EBF2: variants seen among roughly 807,000 people sequenced by gnomAD.
EBF2 encodes the protein transcription factor COE2.
EBF2 carries 21 observed loss-of-function variants against 72.8 expected under a neutral mutation model. The ratio of observed to expected loss-of-function variants is 0.29; its 90% CI spans 0.20 to 0.42. The LOEUF (loss-of-function observed/expected upper bound fraction) is 0.42, where lower values mean the gene tolerates loss of function less well. Ranked by LOEUF, EBF2 falls within the 10% of genes least tolerant of loss-of-function variation. EBF2 has a pLI of 1.00. For missense variants in EBF2, 637 were observed against 731.2 expected, an observed-to-expected ratio of 0.87 and a Z score of 1.49; for synonymous variants, 299 against 274.2, an observed-to-expected ratio of 1.09 and a Z score of -0.89.
At chr8:25,954,399 G>A (rs1321084845) in intron 6 of EBF2, among the ~76,000 whole-genome samples, 1 of 152,226 alleles carries the variant, frequency 6.6e-6, no homozygotes, top group Non-Finnish European at 1.5e-5. Context: ...TTCGCGCGCA[G>A]GGAGATGAGC....
At chr8:25,973,827 C>A (rs1272875438) in intron 6 of EBF2, among the ~76,000 whole-genome samples, 1 of 152,054 alleles carries the variant, frequency 6.6e-6, no homozygotes, top group Non-Finnish European at 1.5e-5. Flanking sequence ...AGGTATGCAC[C>A]ACCACAAAGG....
chr8:26,015,543 G>A (rs1297769584), intron 6 of EBF2, among the ~76,000 whole-genome samples: 10 of 152,222 alleles, frequency 6.6e-5, no homozygotes. Flanking sequence ...GGGATGGTAT[G>A]AGAGTAAGAA....
intron 10 of EBF2, among the ~76,000 whole-genome samples, chr8:25,885,428 C>T (rs1474572658): frequency 6.6e-6 from 1 of 152,172 alleles, no homozygotes; most frequent in Non-Finnish European, 1.5e-5. Context: ...CCTTGGTACC[C>T]ACCATTAGAC....
intron 6 of EBF2, among the ~76,000 whole-genome samples, chr8:25,966,142 C>T (rs1585210479): frequency 6.6e-6 from 1 of 152,228 alleles, no homozygotes; most frequent in Non-Finnish European, 1.5e-5. Flanking sequence ...GGCAAGAGGG[C>T]TTTTGCTCAA....
intron 6 of EBF2, among the ~76,000 whole-genome samples, chr8:26,011,138 T>G (rs1407844291): frequency 6.6e-6 from 1 of 152,194 alleles, no homozygotes; most frequent in African/African-American, 2.4e-5. Flanking sequence ...AAACCACATT[T>G]ATCAAAGCAA....
chr8:25,942,669 C>G (rs1425554054), intron 6 of EBF2, among the ~76,000 whole-genome samples: 7 of 152,196 alleles, frequency 4.6e-5, no homozygotes, highest in Non-Finnish European at 7.3e-5. Context: ...TCGACTTCAG[C>G]CTAAATTGGA....
chr8:25,885,653 T>C (rs1245496232), intron 10 of EBF2, among the ~76,000 whole-genome samples: 1 of 152,160 alleles, frequency 6.6e-6, no homozygotes, highest in Non-Finnish European at 1.5e-5. Flanking sequence ...GTTCTCATGG[T>C]AGTGAGTAAG....
At chr8:25,871,738 A>C (rs1009627293) in intron 10 of EBF2, among the ~76,000 whole-genome samples, 1 of 152,218 alleles carries the variant, frequency 6.6e-6, no homozygotes, top group Non-Finnish European at 1.5e-5. Flanking sequence ...CATTTGGATC[A>C]GCCTTGAAAA....
At chr8:26,030,679 T>C (rs574536211) in intron 6 of EBF2, among the ~76,000 whole-genome samples, 155 of 152,324 alleles carry the variant, frequency 1.0e-3, no homozygotes, top group Non-Finnish European at 1.9e-3. Flanking sequence ...CTTTGGTATG[T>C]ATGTTTCCAT....
At chr8:25,862,857 T>C in intron 10 of EBF2, 60 bp from the exon 11 acceptor site, 3 of 1,300,712 alleles carry the variant, frequency 2.3e-6, no homozygotes, top group Non-Finnish European at 3.2e-6. Context: ...AACCTTCTAA[T>C]TAATTCTTCC....
chr8:25,971,161 A>C (rs1049811485), intron 6 of EBF2, among the ~76,000 whole-genome samples: 1 of 152,164 alleles, frequency 6.6e-6, no homozygotes, highest in Non-Finnish European at 1.5e-5. Flanking sequence ...GTTTCACCTC[A>C]ACAAAAATTC....
chr8:25,949,073 C>T (rs1803816530), intron 6 of EBF2, among the ~76,000 whole-genome samples: 1 of 152,182 alleles, frequency 6.6e-6, no homozygotes, highest in Admixed American at 6.5e-5. Context: ...TATTGAATGC[C>T]TACCATATGC....
At chr8:25,889,357 G>A (rs923443702) in intron 8 of EBF2, among the ~76,000 whole-genome samples, 4 of 152,168 alleles carry the variant, frequency 2.6e-5, no homozygotes, top group Non-Finnish European at 4.4e-5. Context: ...ATCAATTAGT[G>A]TCAGTTTCAT....
At chr8:25,865,345 C>T (rs1802291064) in intron 10 of EBF2, among the ~76,000 whole-genome samples, 1 of 151,942 alleles carries the variant, frequency 6.6e-6, no homozygotes, top group Non-Finnish European at 1.5e-5. Context: ...TATGGCTATT[C>T]ATTAATCATA....
At chr8:26,015,007 ATGCAAATCGTAGGGTGTTAAT>A (rs1333786284) in intron 6 of EBF2, among the ~76,000 whole-genome samples, 2 of 152,216 alleles carry the variant, frequency 1.3e-5, no homozygotes, top group Non-Finnish European at 2.9e-5. Context: ...TCAGGGTAAG[ATGCAAATCGTAGGGTGTTAAT>A]TGCTGAACAG....
At chr8:25,975,042 G>A (rs561254809) in intron 6 of EBF2, among the ~76,000 whole-genome samples, 83 of 152,238 alleles carry the variant, frequency 5.5e-4, no homozygotes, top group Admixed American at 3.1e-3. Context: ...AGATTAATCA[G>A]AGACCACAAA....
At chr8:25,944,715 T>C (rs1048885742) in intron 6 of EBF2, among the ~76,000 whole-genome samples, 1 of 148,036 alleles carries the variant, frequency 6.8e-6, no homozygotes, top group Non-Finnish European at 1.5e-5. Context: ...TAATTATATA[T>C]ACATATGATT....
At position 25,844,434 on chromosome 8, in the gene EBF2, A is replaced by G. The variant is rs1288220201; in HGVS notation, c.*175T>C. 1 of 633,044 alleles carries G rather than the reference A, an allele frequency of 1.6e-6. No individual in the cohort carries two copies. The highest frequency in any genetic ancestry group is 2.0e-5 in the South Asian group (1 of 51,244). The allele number at this position is 633,044 out of a possible 1,614,324, so 39.2% of individuals were successfully genotyped here. A position where few individuals can be genotyped will look rare whatever the true frequency, so the allele number is the denominator to read the frequency against. On this transcript the variant is annotated 3_prime_UTR_variant, in exon 16 of 16. Coordinates refer to ENST00000520164, the MANE Select transcript of EBF2 (RefSeq NM_022659.4). ...AAGAGGGTCAGTTTGTGTAGCCACC[A>G]TCAGAGCTATAGGAGGACGTGGGAC...
At chr8:25,879,457 T>C (rs1160503793) in intron 10 of EBF2, among the ~76,000 whole-genome samples, 1 of 152,214 alleles carries the variant, frequency 6.6e-6, no homozygotes, top group Admixed American at 6.5e-5. Context: ...TCAGGTGTTC[T>C]CTTATCAAAT....
Sources: allele counts gnomAD v4.1 joint callset (sites outside exome capture counted in the v4.1 genomes callset), GRCh38; gene constraint gnomAD v4.1.1; transcripts MANE v1.5; gene names NCBI Gene and HGNC (gene_info 2026-07-23, HGNC 2026-07-21).